The following CEP152 variants were observed in gnomAD, a reference collection of about 807,000 sequenced individuals.
The protein encoded by CEP152 is centrosomal protein of 152 kDa.
In CEP152, 132 loss-of-function variants were observed where a neutral mutation model predicts 188.9. That is an observed-to-expected ratio of 0.70 (90% CI 0.61 to 0.81). The LOEUF (loss-of-function observed/expected upper bound fraction) is 0.81. CEP152 is among the 30% of genes least tolerant of loss of function. CEP152 has a pLI of 0.00. For synonymous variants in CEP152, 649 were observed against 666.6 expected (o/e 0.97, Z 0.41); for missense variants, 1,914 against 1,969.8 (o/e 0.97, Z 0.54).
intron 25 of CEP152, 21 bp from the exon 26 acceptor site, chr15:48,741,725 T>A (rs144807930): frequency 6.2e-7 from 1 of 1,613,716 alleles, no homozygotes; most frequent in African/African-American, 1.3e-5. Flanking sequence ...TTCCAGAATA[T>A]TAAAAATATA....
In CEP152 at chr15:48,738,884, C is replaced by T; in HGVS notation, c.4498G>A (p.Gly1500Arg). ...LPHSAAYPFL[G>R]TLGNKPSPRC... ...GGTGAGGGTTTATTTCCTAAGGTTC[C>T]AAGAAAGGGGTATGCAGCTGAATGC... The change falls in exon 27 of 27, where the codon GGA (glycine) becomes AGA (arginine). Residue 1500 changes from glycine (G) to arginine (R), a missense_variant. By Grantham distance (125) the Gly-to-Arg change is moderately radical. Transcript: ENST00000380950. The T allele has an allele frequency of 1.2e-6, 2 of 1,614,158 alleles. No individual in the cohort carries two copies. Among genetic ancestry groups the T allele is most frequent in the South Asian group, 1.1e-5 (1 of 91,082 alleles).
At chr15:48,783,327 T>A (rs1896396162) in intron 10 of CEP152, 1 of 152,088 alleles carries the variant, frequency 6.6e-6, no homozygotes, top group African/African-American at 2.4e-5. Context: ...ATATTAGAAA[T>A]CTGAAGCATG....
chr15:48,737,805 A>G (rs981795102), downstream of CEP152: 4 of 164,214 alleles, frequency 2.4e-5, no homozygotes, highest in African/African-American at 9.6e-5. Flanking sequence ...ATTAAACATG[A>G]CTAATTTCAA....
intron 19 of CEP152, among the ~76,000 whole-genome samples, chr15:48,758,105 G>A (rs768681553): frequency 6.6e-6 from 1 of 152,170 alleles, no homozygotes; most frequent in South Asian, 2.1e-4. Context: ...AAAGTTTAAG[G>A]GTAGGGGCCA....
chr15:48,765,636 ATTTTTTTTTTTTTTT>A (rs34837739), intron 17 of CEP152: 117 of 189,456 alleles, frequency 6.2e-4, no homozygotes, highest in African/African-American at 3.6e-3. Flanking sequence ...GTTCTTGCCA[ATTTTTTTTTTTTTTT>A]TTTTTTTTTT....
intron 1 of CEP152, among the ~76,000 whole-genome samples, chr15:48,808,174 A>G (rs1898109839): frequency 6.6e-6 from 1 of 151,952 alleles, no homozygotes; most frequent in Admixed American, 6.5e-5. Context: ...AATAAAAGCT[A>G]ATACCTTAAC....
chr15:48,797,968 G>T lies in CEP152; in HGVS notation c.171C>A (p.Ser57Arg), dbSNP rs777608666. 6.2e-7 allele frequency: 1 copy of T among 1,613,774 alleles called. No homozygotes were observed. ...SSPELQYSDC[S>R]EDGTDGQPHH... ...CTTACTGTCCGTCTGTGCCATCCTC[G>T]CTGCAGTCCGAATACTGGAGCTCTG... The change falls in exon 3 of 27, where the codon AGC becomes AGA. Residue 57 changes from serine to arginine, a missense_variant. Ser to Arg is a moderately radical substitution (Grantham distance 110). Transcript: ENST00000380950.
chr15:48,780,915 G>A (rs936134317), intron 12 of CEP152, among the ~76,000 whole-genome samples: 1 of 152,114 alleles, frequency 6.6e-6, no homozygotes, highest in Non-Finnish European at 1.5e-5. Flanking sequence ...TCTCTAGCAG[G>A]AGTGATAAAA....
In CEP152 at chr15:48,751,417, A is replaced by G. The variant is rs550647022; in HGVS notation, c.3466+932T>C. ...ATTATCATCCACTGAATTGGCAGTA[A>G]GATATTCTCAGCCACCTAGAACCTA... On this transcript the variant is annotated intron_variant, in intron 21 of 26. Transcript: ENST00000380950. Among the ~76,000 whole-genome samples the G allele has an allele frequency of 3.5e-4, 53 of 152,356 alleles. No homozygotes were observed. In the South Asian group the frequency reaches 3.7e-3, roughly 11 times the overall value.
At chr15:48,760,321 T>C (rs2140701475) in intron 18 of CEP152, 55 bp from the exon 19 acceptor site, 1 of 1,597,126 alleles carries the variant, frequency 6.3e-7, no homozygotes, top group African/African-American at 1.3e-5. Flanking sequence ...TTAAAAAAGA[T>C]CCCATTTTTA....
rs1896443743 is a variant in CEP152, at chr15:48,783,888, T to A, written c.1321+85A>T. On this transcript the variant is annotated intron_variant, in intron 10 of 26. Coordinates refer to ENST00000380950, the MANE Select transcript of CEP152 (RefSeq NM_001194998.2). ...GATTGTGTTTTCTGTCCCTTCTGGA[T>A]TTTTACAAGTCATGGATCCTACTAC... 12 of 1,422,224 alleles carry A rather than the reference T, an allele frequency of 8.4e-6. No homozygotes were observed. In the Admixed American group the frequency reaches 2.1e-4, roughly 25 times the overall value. 88.1% of individuals were successfully genotyped at this position (1,422,224 alleles called of 1,614,324 possible). A position where few individuals can be genotyped will look rare whatever the true frequency, so the allele number is the denominator to read the frequency against.
chr15:48,757,532 T>C (rs767568826), intron 19 of CEP152, among the ~76,000 whole-genome samples: 88 of 152,194 alleles, frequency 5.8e-4, no homozygotes, highest in Admixed American at 3.0e-3. Flanking sequence ...GAGTAGATAA[T>C]GGCCTTGAGT....
chr15:48,765,119 G>A (rs916145648), intron 17 of CEP152, among the ~76,000 whole-genome samples: 3 of 151,932 alleles, frequency 2.0e-5, no homozygotes, highest in African/African-American at 7.3e-5. Flanking sequence ...TAATTCTATA[G>A]TAAAAAACTA....
intron 12 of CEP152, among the ~76,000 whole-genome samples, chr15:48,776,652 G>A (rs1055784367): frequency 2.0e-5 from 3 of 152,008 alleles, no homozygotes; most frequent in African/African-American, 7.2e-5. Flanking sequence ...GTCACTAAAA[G>A]TAATCTATAA....
In CEP152 at chr15:48,752,482, A is replaced by G; in HGVS notation, c.3346-13T>C. 3 of 1,612,904 alleles carry G rather than the reference A, an allele frequency of 1.9e-6. No individual in the cohort carries two copies. Among genetic ancestry groups the G allele is most frequent in the Non-Finnish European group, 2.5e-6 (3 of 1,179,974 alleles). On this transcript the variant is annotated splice_polypyrimidine_tract_variant and intron_variant, in intron 20 of 26. Coordinates refer to ENST00000380950, the MANE Select transcript of CEP152 (RefSeq NM_001194998.2). The stretch of plus-strand genomic sequence containing the variant: ...CGGCCATATTTCTCTGAAATAAAGT[A>G]TCTTCAAAGTTAATGCTTAGTAAAA...
Position 48,805,614 on chromosome 15 carries a change from C to A in CEP152, c.36G>T (p.Val12=). 1.2e-6 allele frequency: 2 copies of A among 1,603,240 alleles called. No individual in the cohort carries two copies. The highest frequency in any genetic ancestry group is 1.7e-6 in the Non-Finnish European group (2 of 1,175,350). Reference sequence around the variant, plus strand: ...CGTCATACTCTTCATCTTCATTTTGCACTGGTAGTGCCACACTGCCAAAGT... The same window carrying A: ...CGTCATACTCTTCATCTTCATTTTGAACTGGTAGTGCCACACTGCCAAAGT... ...SLDFGSVALP[V]QNEDEEYDEE... The change falls in exon 2 of 27, where the codon GTG becomes GTT. Residue 12 remains valine (V), a synonymous_variant. Coordinates refer to ENST00000380950, the MANE Select transcript of CEP152 (RefSeq NM_001194998.2).
At chr15:48,735,649 T>G (rs1478561199), downstream of CEP152, among the ~76,000 whole-genome samples, 3 of 151,966 alleles carry the variant, frequency 2.0e-5, no homozygotes, top group Non-Finnish European at 4.4e-5. Flanking sequence ...GCAGGAGAAT[T>G]GCTTGAACCC....
At chr15:48,754,062 T>C (rs1894081985) in intron 20 of CEP152, among the ~76,000 whole-genome samples, 1 of 152,178 alleles carries the variant, frequency 6.6e-6, no homozygotes, top group Non-Finnish European at 1.5e-5. Flanking sequence ...AATCATAGCT[T>C]TACCTCAAGG....
chr15:48,791,436 A>G (rs1168721677), intron 7 of CEP152, 60 bp from the exon 8 acceptor site: 8 of 1,423,812 alleles, frequency 5.6e-6, no homozygotes, highest in African/African-American at 5.6e-5. Context: ...CAATGTCACA[A>G]TCCCAATCAG....
Sources: allele counts gnomAD v4.1 joint callset (sites outside exome capture counted in the v4.1 genomes callset), GRCh38; gene constraint gnomAD v4.1.1; transcripts MANE v1.5; gene names NCBI Gene and HGNC (gene_info 2026-07-23, HGNC 2026-07-21).